GAS7: variants seen among roughly 807,000 people sequenced by gnomAD.
The protein encoded by GAS7 is growth arrest-specific protein 7.
A neutral mutation model predicts 71.1 loss-of-function variants in GAS7; 28 were observed. The observed-to-expected ratio is 0.39, with a 90% CI of 0.29 to 0.54. The LOEUF is 0.54. Among genes scored for constraint, GAS7 ranks in the 20% least tolerant of loss-of-function variants. GAS7 has a pLI of 0.62. For synonymous variants in GAS7, 258 were observed against 245.8 expected, an observed-to-expected ratio of 1.05 and a Z score of -0.46; for missense variants, 436 against 627.8, an observed-to-expected ratio of 0.69 and a Z score of 3.27.
chr17:10,015,014 G>A (rs1184792217), intron 2 of GAS7, among the ~76,000 whole-genome samples: 2 of 152,024 alleles, frequency 1.3e-5, no homozygotes, highest in Admixed American at 1.3e-4. Context: ...AAATAGCTGG[G>A]TGTGGTGGCG....
intron 1 of GAS7, among the ~76,000 whole-genome samples, chr17:10,055,040 G>T (rs1479121316): frequency 6.6e-6 from 1 of 152,222 alleles, no homozygotes; most frequent in Non-Finnish European, 1.5e-5. Flanking sequence ...ACCACCAGGA[G>T]AAAGCAGTCA....
At chr17:9,978,413 G>A (rs1021027166) in intron 3 of GAS7, among the ~76,000 whole-genome samples, 4 of 150,194 alleles carry the variant, frequency 2.7e-5, no homozygotes, top group African/African-American at 9.8e-5. Context: ...TGTAATTTGG[G>A]TAATTTTGGG....
At chr17:10,102,498 G>A (rs990927863) in intron 1 of GAS7, among the ~76,000 whole-genome samples, 6 of 152,076 alleles carry the variant, frequency 3.9e-5, no homozygotes, top group Non-Finnish European at 7.4e-5. Context: ...AATGGCCTCC[G>A]CATGCTGATT....
At chr17:10,081,212 T>G (rs984245415) in intron 1 of GAS7, among the ~76,000 whole-genome samples, 37 of 152,340 alleles carry the variant, frequency 2.4e-4, no homozygotes, top group East Asian at 3.9e-4. Context: ...TGGAGTGCGA[T>G]GGCGCGATCT....
At chr17:9,944,698 C>G (rs1052845599) in intron 6 of GAS7, among the ~76,000 whole-genome samples, 3 of 152,204 alleles carry the variant, frequency 2.0e-5, no homozygotes, top group African/African-American at 7.2e-5. Flanking sequence ...AGGGAGATCA[C>G]CATCCTACGG....
At chr17:10,146,630 C>A (rs530907075) in intron 1 of GAS7, among the ~76,000 whole-genome samples, 1 of 152,146 alleles carries the variant, frequency 6.6e-6, no homozygotes, top group Non-Finnish European at 1.5e-5. Context: ...TCAGCTTGGA[C>A]GCTTTCAAAA....
intron 1 of GAS7, among the ~76,000 whole-genome samples, chr17:10,046,825 G>A (rs1597746040): frequency 2.9e-4 from 32 of 109,410 alleles, no homozygotes; most frequent in Admixed American, 7.6e-4. Flanking sequence ...AGGAAGGAAG[G>A]AAGGAAGGAA....
At chr17:10,102,246 G>A (rs907682789) in intron 1 of GAS7, among the ~76,000 whole-genome samples, 1 of 129,318 alleles carries the variant, frequency 7.7e-6, no homozygotes. Context: ...CTTCCCCATT[G>A]TTGACCACTG....
chr17:9,974,521 A>C lies in GAS7; in HGVS notation c.386-4759T>G, dbSNP rs2070108170. On this transcript the variant is annotated intron_variant, in intron 3 of 13. Transcript: ENST00000432992. The surrounding 1 kb of genome is among the most constrained non-coding windows in gnomAD (Gnocchi z 4.0). ...TTCAGTCTGGAGATACAAGGAAAAA[A>C]AAAAAGCAAATGTCACACTCATCTG... Among the ~76,000 whole-genome samples, 1 of 152,166 alleles carries C rather than the reference A, an allele frequency of 6.6e-6. No homozygotes were observed. The highest frequency in any genetic ancestry group is 1.5e-5 in the Non-Finnish European group (1 of 68,034).
At chr17:10,122,540 C>G (rs1255048371) in intron 1 of GAS7, among the ~76,000 whole-genome samples, 2 of 152,230 alleles carry the variant, frequency 1.3e-5, no homozygotes, top group African/African-American at 4.8e-5. Context: ...CGCCCTCCCT[C>G]ACCCTCCCTG....
intron 1 of GAS7, among the ~76,000 whole-genome samples, chr17:10,183,027 G>C (rs11656779): frequency 0.8 from 122,231 of 152,034 alleles, 49,312 homozygotes; most frequent in East Asian, 0.95. Flanking sequence ...CCAGCCTGAG[G>C]AGCAGCAACC....
In GAS7 at chr17:9,917,057, T is replaced by C. The variant is rs1190072727; in HGVS notation, c.*171A>G. On this transcript the variant is annotated 3_prime_UTR_variant, in exon 14 of 14. Transcript: ENST00000432992. ...GGTCTGTCTTCTGGGCCTGGGAATA[T>C]GGGGGAGCCCCCAGCTAGGCTGTCC... 3.3e-6 allele frequency: 2 copies of C among 606,776 alleles called. No individual in the cohort carries two copies. The highest frequency in any genetic ancestry group is 2.9e-5 in the Admixed American group (1 of 34,954). 37.6% of individuals were successfully genotyped at this position (606,776 alleles called of 1,614,324 possible).
At chr17:10,064,390 T>C (rs60307019) in intron 1 of GAS7, among the ~76,000 whole-genome samples, 7,541 of 152,250 alleles carry the variant, frequency 0.05, 220 homozygotes, top group Middle Eastern at 0.068. Context: ...AGGCCATACG[T>C]ACCCCGGCTT....
chr17:9,957,797 G>C (rs991151722), intron 5 of GAS7, among the ~76,000 whole-genome samples: 4 of 152,138 alleles, frequency 2.6e-5, no homozygotes, highest in African/African-American at 9.7e-5. Flanking sequence ...AGCAGGCTGA[G>C]TCGTTCTGCC....
chr17:10,097,345 G>A (rs1334825747), intron 1 of GAS7, among the ~76,000 whole-genome samples: 1 of 152,244 alleles, frequency 6.6e-6, no homozygotes, highest in African/African-American at 2.4e-5. Context: ...ATGGGAGGAA[G>A]ATGGCAGAGC....
chr17:10,068,476 C>T (rs2073305929), intron 1 of GAS7, among the ~76,000 whole-genome samples: 1 of 152,016 alleles, frequency 6.6e-6, no homozygotes, highest in South Asian at 2.1e-4. Flanking sequence ...AGACTTATGG[C>T]CAGACACAGT....
At chr17:10,133,389 C>A (rs2142089260) in intron 1 of GAS7, among the ~76,000 whole-genome samples, 1 of 152,174 alleles carries the variant, frequency 6.6e-6, no homozygotes, top group African/African-American at 2.4e-5. Flanking sequence ...TCCCAAAGTG[C>A]TGGGATTACA....
At position 10,012,123 on chromosome 17, in the gene GAS7, T is replaced by C. The variant is rs973423680; in HGVS notation, c.304+7654A>G. 9.2e-5 allele frequency among the ~76,000 whole-genome samples: 14 copies of C among 152,276 alleles called. 2 individuals carry two copies. The highest frequency in any genetic ancestry group is 3.9e-4 in the East Asian group (2 of 5,184). On this transcript the variant is annotated intron_variant, in intron 2 of 13. Transcript: ENST00000432992. ...TGACTAATACATTAAACTAAACTAATCTTGGCCATCTATCTATACTGGCTT... is the reference window on the plus strand; with the variant it reads ...TGACTAATACATTAAACTAAACTAACCTTGGCCATCTATCTATACTGGCTT...
intron 2 of GAS7, among the ~76,000 whole-genome samples, chr17:10,006,391 G>A (rs528764949): frequency 2.8e-5 from 4 of 141,408 alleles, no homozygotes; most frequent in African/African-American, 1.1e-4. Flanking sequence ...GTGCAGTGGC[G>A]CGATCTCGGC....
Sources: allele counts gnomAD v4.1 joint callset (sites outside exome capture counted in the v4.1 genomes callset), GRCh38; gene constraint gnomAD v4.1.1; non-coding constraint Gnocchi (gnomAD v3.1); transcripts MANE v1.5; gene names NCBI Gene and HGNC (gene_info 2026-07-23, HGNC 2026-07-21).